The following MYOM1 variants were observed in gnomAD, a reference collection of about 807,000 sequenced individuals.
MYOM1 encodes the protein myomesin-1.
MYOM1 carries 164 observed loss-of-function variants against 205.3 expected under a neutral mutation model. The ratio of observed to expected loss-of-function variants is 0.80; its 90% CI spans 0.70 to 0.91. The LOEUF (loss-of-function observed/expected upper bound fraction) is 0.91, where lower values mean the gene tolerates loss of function less well. MYOM1 is among the 40% of genes least tolerant of loss of function. The pLI, the probability that MYOM1 is intolerant of heterozygous loss-of-function variation, is 0.00. For missense variants in MYOM1, 2,011 were observed against 2,127.3 expected, an observed-to-expected ratio of 0.95 and a Z score of 1.08; for synonymous variants, 772 against 789.4, an observed-to-expected ratio of 0.98 and a Z score of 0.37.
intron 26 of MYOM1, among the ~76,000 whole-genome samples, 166 bp downstream of exon 26, chr18:3,094,004 T>C (rs992653272): frequency 2.0e-5 from 3 of 152,232 alleles, no homozygotes; most frequent in African/African-American, 7.2e-5. Flanking sequence ...TAATATGTTA[T>C]AGTCAATCTG....
chr18:3,076,477 T>A (rs1275609169), intron 34 of MYOM1, among the ~76,000 whole-genome samples: 1 of 152,160 alleles, frequency 6.6e-6, no homozygotes. Flanking sequence ...CATCAGAGCC[T>A]CCTAGATAGG....
intron 3 of MYOM1, among the ~76,000 whole-genome samples, chr18:3,193,242 C>T (rs1470429452): frequency 2.0e-5 from 3 of 151,330 alleles, no homozygotes; most frequent in Non-Finnish European, 4.4e-5. Flanking sequence ...CCACTGCACT[C>T]CAGCCTGGGT....
rs372739227 is a variant in MYOM1 at position 3,136,429 on chromosome 18, T to C, written c.2026-699A>G. On this transcript the variant is annotated intron_variant, in intron 14 of 37. Transcript: ENST00000356443. ...TTTAATTAAATTAAATTAAATTTTA[T>C]TTTATTTTATTTTTGAGACAGGGTC... Among the ~76,000 whole-genome samples, 3 of 152,172 alleles carry C rather than the reference T, an allele frequency of 2.0e-5. No homozygotes were observed. The South Asian group carries it at 6.2e-4, about 32-fold the overall frequency.
the MYOM1 span, among the ~76,000 whole-genome samples, chr18:3,235,933 C>A: frequency 6.6e-6 from 1 of 152,112 alleles, no homozygotes; most frequent in African/African-American, 2.4e-5. Flanking sequence ...AAATCAGGAA[C>A]ATCAAATGCA....
chr18:3,116,185 C>T, intron 21 of MYOM1, 146 bp downstream of exon 21: 2 of 817,606 alleles, frequency 2.4e-6, no homozygotes, highest in Non-Finnish European at 3.7e-6. Flanking sequence ...TTCTCCCAGC[C>T]CCAACCTCTG....
chr18:3,087,488 C>CTTTT (rs5822735), intron 29 of MYOM1, among the ~76,000 whole-genome samples: 1 of 122,704 alleles, frequency 8.1e-6, no homozygotes, highest in African/African-American at 3.1e-5. Context: ...CTCCTACGTT[C>CTTTT]TTTTTTTTTT....
intron 37 of MYOM1, 150 bp downstream of exon 37, chr18:3,071,684 G>T: frequency 1.3e-6 from 1 of 755,644 alleles, no homozygotes; most frequent in South Asian, 1.8e-5. Context: ...TTAACCTTGT[G>T]TTTGGTTACT....
chr18:3,145,744 C>T (rs1478809118), intron 13 of MYOM1, among the ~76,000 whole-genome samples: 1 of 151,766 alleles, frequency 6.6e-6, no homozygotes, highest in African/African-American at 2.4e-5. Context: ...GCAAATTAAA[C>T]TCAAATAAGC....
intron 2 of MYOM1, among the ~76,000 whole-genome samples, chr18:3,205,100 G>C (rs151278124): frequency 4.5e-4 from 68 of 152,186 alleles, no homozygotes; most frequent in African/African-American, 1.4e-3. Flanking sequence ...CTAAATATAA[G>C]TGCTGAAATG....
intron 5 of MYOM1, among the ~76,000 whole-genome samples, chr18:3,177,327 C>A (rs7504922): frequency 6.6e-6 from 1 of 151,782 alleles, no homozygotes. Flanking sequence ...AAGTTGACCA[C>A]TATTGATGTA....
chr18:3,139,063 T>C (rs1302352990), intron 14 of MYOM1, among the ~76,000 whole-genome samples: 1 of 152,296 alleles, frequency 6.6e-6, no homozygotes, highest in East Asian at 1.9e-4. Flanking sequence ...GAGGATAGCT[T>C]GAGCCCAGGA....
At chr18:3,173,839 T>G in intron 8 of MYOM1, 99 bp downstream of exon 8, 1 of 1,059,506 alleles carries the variant, frequency 9.4e-7, no homozygotes, top group Non-Finnish European at 1.4e-6. Flanking sequence ...GCATATACTA[T>G]GTTATATATA....
intron 11 of MYOM1, 101 bp downstream of exon 11, chr18:3,154,846 A>G: frequency 7.6e-7 from 1 of 1,324,030 alleles, no homozygotes; most frequent in Non-Finnish European, 1.0e-6. Flanking sequence ...GGAGGAGAGG[A>G]AAGCCAGAAA....
upstream of MYOM1, among the ~76,000 whole-genome samples, chr18:3,221,850 T>C (rs2081333181): frequency 6.6e-6 from 1 of 152,210 alleles, no homozygotes; most frequent in Non-Finnish European, 1.5e-5. Flanking sequence ...CTGGAAGCCA[T>C]AGGCGAGTTT....
chr18:3,225,065 G>C, the MYOM1 span, among the ~76,000 whole-genome samples: 7 of 152,154 alleles, frequency 4.6e-5, no homozygotes, highest in East Asian at 1.4e-3. Context: ...TCAGCTCACT[G>C]CAAGCTCCAC....
intron 19 of MYOM1, among the ~76,000 whole-genome samples, chr18:3,121,871 C>A (rs1176003826): frequency 6.6e-6 from 1 of 152,178 alleles, no homozygotes; most frequent in Non-Finnish European, 1.5e-5. Context: ...GTAATCCCAG[C>A]ACTTTGGGAG....
At chr18:3,089,702 A>G in intron 27 of MYOM1, 106 bp from the exon 28 acceptor site, 1 of 783,814 alleles carries the variant, frequency 1.3e-6, no homozygotes, top group Non-Finnish European at 1.9e-6. Context: ...ACACTCATAC[A>G]TTGTGACAAC....
rs779155317 is a variant in MYOM1 at position 3,086,166 on chromosome 18, A to G, written c.4138-15T>C. On this transcript the variant is annotated splice_polypyrimidine_tract_variant and intron_variant, in intron 29 of 37. Coordinates refer to ENST00000356443, the MANE Select transcript of MYOM1 (RefSeq NM_003803.4). ...ATATTTGCCACCTAGGAGAAAAACC[A>G]TAATTACTTTTCTTAAAATAAGAAA... 66 of 1,501,250 alleles carry G rather than the reference A, an allele frequency of 4.4e-5. No individual in the cohort carries two copies. Among genetic ancestry groups the G allele is most frequent in the Non-Finnish European group, 5.7e-5 (63 of 1,096,282 alleles). 93.0% of individuals were successfully genotyped at this position (1,501,250 alleles called of 1,614,324 possible).
chr18:3,106,568 T>C (rs991105950), intron 22 of MYOM1, among the ~76,000 whole-genome samples: 4 of 152,236 alleles, frequency 2.6e-5, no homozygotes, highest in Non-Finnish European at 4.4e-5. Context: ...CTCACACCTG[T>C]AATCCCAGCA....
Sources: allele counts gnomAD v4.1 joint callset (sites outside exome capture counted in the v4.1 genomes callset), GRCh38; gene constraint gnomAD v4.1.1; transcripts MANE v1.5; gene names NCBI Gene and HGNC (gene_info 2026-07-23, HGNC 2026-07-21).